Variants in MSRA observed in about 807,000 individuals in gnomAD.
MSRA encodes mitochondrial peptide methionine sulfoxide reductase.
Under a neutral mutation model 31.3 loss-of-function variants are expected in MSRA, and 54 were observed. That is an observed-to-expected ratio of 1.73 (90% CI 1.39 to 2.17). The LOEUF is 2.17. MSRA is among the 30% of genes most tolerant of loss of function. The pLI, the probability that MSRA is intolerant of heterozygous loss-of-function variation, is 0.00. For synonymous variants in MSRA, 169 were observed against 116.5 expected, an observed-to-expected ratio of 1.45 and a Z score of -2.90; for missense variants, 507 against 300.9, an observed-to-expected ratio of 1.69 and a Z score of -5.07.
At chr8:10,248,120 G>T (rs571997172) in intron 3 of MSRA, among the ~76,000 whole-genome samples, 5 of 152,308 alleles carry the variant, frequency 3.3e-5, no homozygotes, top group African/African-American at 1.2e-4. Context: ...CAAGGCTCTG[G>T]TAAGATGCAT....
rs35940076 is a variant in MSRA at position 10,328,027 on chromosome 8, ATTTTTT to A, written c.543+8058_543+8063del. ...TAGTTTGAATACCATCTCTATGGTA[ATTTTTT>A]TTTTTTTTTTTTTTTTTTTAGTATC... is the stretch of plus-strand genomic sequence containing the variant. On this transcript the variant is annotated intron_variant, in intron 5 of 5. Coordinates refer to ENST00000317173, the MANE Select transcript of MSRA (RefSeq NM_012331.5). 4.6e-5 allele frequency among the ~76,000 whole-genome samples: 3 copies of A among 65,310 alleles called. 1 individual carries two copies. The highest frequency in any genetic ancestry group is 2.1e-4 in the African/African-American group (3 of 14,090). The allele number at this position is 65,310 out of a possible 152,430, so 42.8% of individuals were successfully genotyped here. A position where few individuals can be genotyped will look rare whatever the true frequency, so the allele number is the denominator to read the frequency against.
At chr8:10,306,690 C>T (rs1415331643) in intron 4 of MSRA, among the ~76,000 whole-genome samples, 2 of 152,240 alleles carry the variant, frequency 1.3e-5, no homozygotes, top group Non-Finnish European at 1.5e-5. Context: ...TGGTCTGTAT[C>T]CTCCTAACTA....
intron 2 of MSRA, among the ~76,000 whole-genome samples, chr8:10,209,223 A>T (rs914485762): frequency 6.6e-6 from 1 of 152,256 alleles, no homozygotes; most frequent in African/African-American, 2.4e-5. Flanking sequence ...GGTGTCTGTT[A>T]TCATGGGACA....
At chr8:10,182,862 T>C (rs1806669560) in intron 1 of MSRA, among the ~76,000 whole-genome samples, 1 of 152,206 alleles carries the variant, frequency 6.6e-6, no homozygotes. Flanking sequence ...TCCTCAGTGT[T>C]GCCATGTTCT....
At position 10,285,676 on chromosome 8, in the gene MSRA, C is replaced by T. The variant is rs562563258; in HGVS notation, c.332-15858C>T. Among the ~76,000 whole-genome samples the T allele has an allele frequency of 5.4e-4, 82 of 151,940 alleles. No individual in the cohort carries two copies. In the Middle Eastern group the frequency reaches 0.014, roughly 25 times the overall value. On this transcript the variant is annotated intron_variant, in intron 3 of 5. Transcript: ENST00000317173. Reference sequence around the variant, plus strand: ...CCCACTCCTTCCCCGCCTCTGGTAACCACTCTACTCTCTACTTCTATAAGA... The same window carrying T: ...CCCACTCCTTCCCCGCCTCTGGTAATCACTCTACTCTCTACTTCTATAAGA...
At chr8:10,328,281 C>T (rs1419416517) in intron 5 of MSRA, among the ~76,000 whole-genome samples, 4 of 140,920 alleles carry the variant, frequency 2.8e-5, no homozygotes, top group Non-Finnish European at 6.1e-5. Flanking sequence ...CCTTCCCCAT[C>T]GGGTCATCAT....
At chr8:10,097,350 G>C (rs141611606) in intron 1 of MSRA, among the ~76,000 whole-genome samples, 2,489 of 152,108 alleles carry the variant, frequency 0.016, 28 homozygotes, top group Non-Finnish European at 0.023. Flanking sequence ...ACACTACGTC[G>C]CTGATACTCC....
At chr8:10,367,734 T>A (rs73662822) in intron 5 of MSRA, among the ~76,000 whole-genome samples, 10,073 of 152,274 alleles carry the variant, frequency 0.066, 629 homozygotes, top group African/African-American at 0.16. Context: ...TCTCCGGCGC[T>A]GGCTGGACCC....
chr8:10,108,420 G>A (rs900478864), intron 1 of MSRA, among the ~76,000 whole-genome samples: 1 of 152,190 alleles, frequency 6.6e-6, no homozygotes, highest in Non-Finnish European at 1.5e-5. Flanking sequence ...AGAAGGAGGA[G>A]CCTGAATGTC....
At chr8:10,092,425 G>A (rs968577263) in intron 1 of MSRA, among the ~76,000 whole-genome samples, 13 of 152,142 alleles carry the variant, frequency 8.5e-5, no homozygotes, top group African/African-American at 2.7e-4. Context: ...TTGGGAGGCC[G>A]AGGTGGGCAG....
intron 1 of MSRA, among the ~76,000 whole-genome samples, chr8:10,183,353 T>A (rs1005040633): frequency 6.6e-6 from 1 of 152,310 alleles, no homozygotes; most frequent in East Asian, 1.9e-4. Context: ...GGCCTCTGTT[T>A]GCCAGGGGCT....
chr8:10,096,459 T>A (rs1175556215), intron 1 of MSRA: 1 of 237,240 alleles, frequency 4.2e-6, no homozygotes, highest in Non-Finnish European at 6.9e-6. Flanking sequence ...GTGATTTTTA[T>A]GATGTTGGCA....
intron 4 of MSRA, among the ~76,000 whole-genome samples, chr8:10,310,832 G>A (rs1801394873): frequency 6.6e-6 from 1 of 152,198 alleles, no homozygotes; most frequent in Non-Finnish European, 1.5e-5. Context: ...CAGAAAACAT[G>A]ACCCACTGGA....
At chr8:10,141,637 G>C (rs895569554) in intron 1 of MSRA, among the ~76,000 whole-genome samples, 1 of 152,068 alleles carries the variant, frequency 6.6e-6, no homozygotes, top group Non-Finnish European at 1.5e-5. Context: ...TTTTAATGCA[G>C]TCAATGCTGT....
intron 1 of MSRA, among the ~76,000 whole-genome samples, chr8:10,094,545 T>A (rs771429448): frequency 6.6e-6 from 1 of 152,232 alleles, no homozygotes; most frequent in Non-Finnish European, 1.5e-5. Flanking sequence ...CTGAGGAGAT[T>A]AGATAGATTA....
At chr8:10,311,419 C>T (rs902571758) in intron 4 of MSRA, among the ~76,000 whole-genome samples, 6 of 152,060 alleles carry the variant, frequency 3.9e-5, no homozygotes, top group Non-Finnish European at 5.9e-5. Flanking sequence ...AGGGAGTGAC[C>T]GACACAATTC....
chr8:10,288,582 C>T lies in MSRA; in HGVS notation c.332-12952C>T, dbSNP rs553669863. 4.6e-5 allele frequency among the ~76,000 whole-genome samples: 7 copies of T among 152,246 alleles called. No individual in the cohort carries two copies. In the East Asian group the frequency reaches 1.3e-3, roughly 29 times the overall value. Reference sequence around the variant, plus strand: ...TGTAAAATAACTGATGCTTTTGGCACTGTCTAGGAGGCAAGGCCAAGACTT... The same window carrying T: ...TGTAAAATAACTGATGCTTTTGGCATTGTCTAGGAGGCAAGGCCAAGACTT... On this transcript the variant is annotated intron_variant, in intron 3 of 5. Coordinates refer to ENST00000317173, the MANE Select transcript of MSRA (RefSeq NM_012331.5).
chr8:10,390,747 A>T (rs1806690334), intron 5 of MSRA, among the ~76,000 whole-genome samples: 1 of 152,072 alleles, frequency 6.6e-6, no homozygotes, highest in African/African-American at 2.4e-5. Flanking sequence ...CTCCATTCCA[A>T]AGGCGAAGAC....
intron 1 of MSRA, among the ~76,000 whole-genome samples, chr8:10,056,198 CAA>C (rs35457688): frequency 1.1e-4 from 10 of 91,010 alleles, no homozygotes; most frequent in African/African-American, 1.3e-4. Flanking sequence ...TCCCATACAC[CAA>C]AAAAAAAAAA....
Sources: allele counts gnomAD v4.1 joint callset (sites outside exome capture counted in the v4.1 genomes callset), GRCh38; gene constraint gnomAD v4.1.1; transcripts MANE v1.5; gene names NCBI Gene and HGNC (gene_info 2026-07-23, HGNC 2026-07-21).